PIEZO2: variants seen among roughly 807,000 people sequenced by gnomAD.
The protein encoded by PIEZO2 is piezo type mechanosensitive ion channel component 2.
PIEZO2 carries 172 observed loss-of-function variants against 337.3 expected under a neutral mutation model. The observed-to-expected ratio is 0.51, with a 90% CI of 0.45 to 0.58. The LOEUF (loss-of-function observed/expected upper bound fraction) is 0.58, where lower values mean the gene tolerates loss of function less well. Ranked by LOEUF, PIEZO2 falls within the 20% of genes least tolerant of loss-of-function variation. The pLI is 0.00. For synonymous variants in PIEZO2, 1,251 were observed against 1,228.5 expected, an observed-to-expected ratio of 1.02 and a Z score of -0.38; for missense variants, 3,028 against 3,391.3, an observed-to-expected ratio of 0.89 and a Z score of 2.66.
chr18:10,913,598 A>T (rs2030672355), intron 3 of PIEZO2, among the ~76,000 whole-genome samples: 1 of 152,046 alleles, frequency 6.6e-6, no homozygotes, highest in Admixed American at 6.6e-5. Flanking sequence ...AAATTTTTTA[A>T]TTTAAATGAT....
chr18:10,961,453 G>T (rs2033776950), intron 3 of PIEZO2, among the ~76,000 whole-genome samples: 2 of 152,116 alleles, frequency 1.3e-5, no homozygotes, highest in African/African-American at 4.8e-5. Context: ...TACAAATATG[G>T]TGCAGTGTAT....
At chr18:10,810,428 C>T (rs2040153190) in intron 7 of PIEZO2, among the ~76,000 whole-genome samples, 1 of 152,130 alleles carries the variant, frequency 6.6e-6, no homozygotes, top group African/African-American at 2.4e-5. Flanking sequence ...AGTCTCCCTA[C>T]CTCTAATTTC....
At chr18:10,684,875 T>C (rs2143551440) in intron 49 of PIEZO2, among the ~76,000 whole-genome samples, 1 of 152,204 alleles carries the variant, frequency 6.6e-6, no homozygotes, top group East Asian at 1.9e-4. Flanking sequence ...AGTGTCTTGC[T>C]CTGCTGCCCT....
At chr18:11,120,046 C>T (rs1284946253) in intron 1 of PIEZO2, among the ~76,000 whole-genome samples, 2 of 152,180 alleles carry the variant, frequency 1.3e-5, no homozygotes, top group Non-Finnish European at 2.9e-5. Context: ...CAGAATCAGT[C>T]GGAATTGCAC....
chr18:10,994,406 T>C (rs879515347), intron 2 of PIEZO2, among the ~76,000 whole-genome samples: 135 of 150,020 alleles, frequency 9.0e-4, no homozygotes, highest in Admixed American at 1.1e-3. Flanking sequence ...CTTTCTTTTT[T>C]TTTTTTTTTT....
chr18:10,731,641 G>A, intron 35 of PIEZO2, 120 bp from the exon 36 acceptor site: 1 of 526,944 alleles, frequency 1.9e-6, no homozygotes, highest in Non-Finnish European at 3.0e-6. Flanking sequence ...AAACATCCCG[G>A]GCTATTTTTA....
chr18:10,844,845 G>A (rs549619865), intron 7 of PIEZO2, among the ~76,000 whole-genome samples: 1 of 149,766 alleles, frequency 6.7e-6, no homozygotes, highest in East Asian at 2.0e-4. Context: ...TTAAATGAGA[G>A]ATGCAAGACA....
chr18:11,045,517 A>G (rs1456791724), intron 2 of PIEZO2, among the ~76,000 whole-genome samples: 1 of 152,174 alleles, frequency 6.6e-6, no homozygotes, highest in African/African-American at 2.4e-5. Context: ...CCGTGAAATC[A>G]CACACGAAAT....
At chr18:11,059,404 C>A (rs1039817571) in intron 2 of PIEZO2, among the ~76,000 whole-genome samples, 21 of 152,160 alleles carry the variant, frequency 1.4e-4, no homozygotes, top group Non-Finnish European at 1.5e-5. Context: ...TCACACATAA[C>A]AATATTAACC....
Position 10,815,819 on chromosome 18 carries a change from A to T in PIEZO2, c.918-8545T>A, listed in dbSNP as rs1179572194. Among the ~76,000 whole-genome samples, 1 of 152,196 alleles carries T rather than the reference A, an allele frequency of 6.6e-6. No homozygotes were observed. The highest frequency in any genetic ancestry group is 1.5e-5 in the Non-Finnish European group (1 of 68,032). ...ATATACTTTCTACCTCTCCAAGAAA[A>T]ACAGTTCCAAATTTCTACCCAGTTA... On this transcript the variant is annotated intron_variant, in intron 7 of 55. Coordinates refer to ENST00000674853, the MANE Select transcript of PIEZO2 (RefSeq NM_001378183.1). This position sits in a 1 kb window ranked among gnomAD's most constrained non-coding sequence, Gnocchi z 4.1.
intron 46 of PIEZO2, 40 bp from the exon 47 acceptor site, chr18:10,696,328 T>C (rs756424245): frequency 8.1e-6 from 13 of 1,613,540 alleles, no homozygotes; most frequent in Middle Eastern, 1.6e-4. Context: ...AGAGAGGCAA[T>C]TCATGGCAGG....
At chr18:10,897,030 C>T (rs566887738) in intron 4 of PIEZO2, among the ~76,000 whole-genome samples, 2 of 152,304 alleles carry the variant, frequency 1.3e-5, no homozygotes, top group South Asian at 4.1e-4. Context: ...AATCCTAAGA[C>T]CCCTGAATGA....
chr18:11,049,650 G>A (rs1336443660), intron 2 of PIEZO2, among the ~76,000 whole-genome samples: 1 of 152,116 alleles, frequency 6.6e-6, no homozygotes, highest in African/African-American at 2.4e-5. Context: ...TCATGGGGAT[G>A]GTTTCCCCCA....
At chr18:11,058,131 C>T (rs1251618759) in intron 2 of PIEZO2, among the ~76,000 whole-genome samples, 1 of 152,192 alleles carries the variant, frequency 6.6e-6, no homozygotes, top group Non-Finnish European at 1.5e-5. Context: ...AAGACAGCAA[C>T]ATTTGCTGCT....
At chr18:10,761,853 T>C (rs1233447708) in intron 23 of PIEZO2, among the ~76,000 whole-genome samples, 3 of 152,232 alleles carry the variant, frequency 2.0e-5, no homozygotes, top group African/African-American at 7.2e-5. Flanking sequence ...ATTGCCAGTG[T>C]AACATGATTA....
chr18:10,798,371 G>A (rs2039685807), intron 11 of PIEZO2, among the ~76,000 whole-genome samples: 1 of 152,224 alleles, frequency 6.6e-6, no homozygotes, highest in Non-Finnish European at 1.5e-5. Context: ...TGAAAAATCA[G>A]TGACTGTGCA....
intron 16 of PIEZO2, among the ~76,000 whole-genome samples, chr18:10,785,671 C>T (rs768125911): frequency 2.6e-5 from 4 of 152,112 alleles, no homozygotes; most frequent in Non-Finnish European, 5.9e-5. Flanking sequence ...TCTCATTCAT[C>T]CACATTTCCT....
At chr18:10,906,436 T>C (rs991068676) in intron 4 of PIEZO2, among the ~76,000 whole-genome samples, 3 of 152,226 alleles carry the variant, frequency 2.0e-5, no homozygotes, top group Admixed American at 6.5e-5. Context: ...TGATTTCTGC[T>C]GGCAAATTAA....
chr18:10,917,233 G>A (rs757062910), intron 3 of PIEZO2, among the ~76,000 whole-genome samples: 3 of 152,016 alleles, frequency 2.0e-5, no homozygotes, highest in Non-Finnish European at 4.4e-5. Flanking sequence ...AAAACCACAG[G>A]GCTTTGCTTG....
Sources: gnomAD v4.1 joint callset for allele counts (sites outside exome capture counted in the v4.1 genomes callset) on GRCh38, gnomAD v4.1.1 for gene constraint, Gnocchi (gnomAD v3.1) non-coding constraint, MANE v1.5 for transcripts, NCBI Gene and HGNC (gene_info 2026-07-23, HGNC 2026-07-21) for gene names.